Variants in PEX7 observed in about 807,000 individuals in gnomAD.
PEX7 encodes peroxisomal biogenesis factor 7.
PEX7 carries 34 observed loss-of-function variants against 47.5 expected under a neutral mutation model. That is an observed-to-expected ratio of 0.72 (90% CI 0.54 to 0.95). The LOEUF is 0.95. PEX7 is among the 40% of genes least tolerant of loss of function. The pLI is 0.00. For synonymous variants in PEX7, 141 were observed against 148.8 expected, an observed-to-expected ratio of 0.95 and a Z score of 0.38; for missense variants, 394 against 400.3, an observed-to-expected ratio of 0.98 and a Z score of 0.13.
intron 9 of PEX7, among the ~76,000 whole-genome samples, chr6:136,899,304 G>A (rs929984756): frequency 8.6e-5 from 13 of 151,372 alleles, no homozygotes; most frequent in Non-Finnish European, 1.6e-4. Flanking sequence ...GTGCAGTGGC[G>A]CAATCTTGGC....
At position 136,822,720 on chromosome 6, in the gene PEX7, G is replaced by T; in HGVS notation, c.55G>T (p.Gly19Cys). 3 of 1,514,946 alleles carry T rather than the reference G, an allele frequency of 2.0e-6. No individual in the cohort carries two copies. The highest frequency in any genetic ancestry group is 2.6e-6 in the Non-Finnish European group (3 of 1,138,382). The allele number at this position is 1,514,946 out of a possible 1,614,324, so 93.8% of individuals were successfully genotyped here. The change falls in exon 1 of 10, where the codon GGC (glycine) becomes TGC (cysteine). Residue 19 changes from glycine to cysteine, a missense_variant. Physicochemically the swap from Gly to Cys is radical, Grantham distance 159. Coordinates refer to ENST00000318471, the MANE Select transcript of PEX7 (RefSeq NM_000288.4). The stretch of plus-strand genomic sequence containing the variant: ...GATGCTGCGGACGCCGGGACGCCAC[G>T]GCTACGCCGCCGAGTTCTCCCCGTA... ...ARMLRTPGRHGYAAEFSPYLP... is the reference protein window; with the variant it reads ...ARMLRTPGRHCYAAEFSPYLP...
intron 3 of PEX7, chr6:136,830,032 A>G (rs1032912558): frequency 1.4e-6 from 1 of 716,624 alleles, no homozygotes. Flanking sequence ...TGTGTTGTGA[A>G]ATAGAAGAGC....
At chr6:136,855,660 C>A in intron 5 of PEX7, 1 of 299,218 alleles carries the variant, frequency 3.3e-6, no homozygotes, top group South Asian at 3.1e-5. Flanking sequence ...TCTAAATTTG[C>A]CTTGATTTGG....
intron 9 of PEX7, among the ~76,000 whole-genome samples, chr6:136,912,316 A>C (rs970618024): frequency 2.6e-5 from 4 of 151,516 alleles, no homozygotes; most frequent in Non-Finnish European, 5.9e-5. Flanking sequence ...TGTATTGAGA[A>C]TATATTTTCC....
At chr6:136,872,058 G>T (rs564742843) in intron 7 of PEX7, 140 bp from the exon 8 acceptor site, 149 of 708,850 alleles carry the variant, frequency 2.1e-4, no homozygotes, top group Admixed American at 1.4e-3. Context: ...TAGCATATAT[G>T]CTTTGAAAAA....
chr6:136,860,795 G>T (rs1192542692), intron 5 of PEX7, among the ~76,000 whole-genome samples: 1 of 151,948 alleles, frequency 6.6e-6, no homozygotes, highest in Non-Finnish European at 1.5e-5. Context: ...ATACAATTTG[G>T]TGAATTCTCA....
intron 6 of PEX7, among the ~76,000 whole-genome samples, chr6:136,868,790 G>A (rs1775120043): frequency 6.6e-6 from 1 of 151,954 alleles, no homozygotes; most frequent in African/African-American, 2.4e-5. Flanking sequence ...GGGGTGGACT[G>A]AGTGTGGACC....
rs1321528623 is a variant in PEX7 at position 136,822,693 on chromosome 6, C to T, written c.28C>T (p.Arg10Trp). The T allele has an allele frequency of 1.8e-5, 28 of 1,519,826 alleles. No individual in the cohort carries two copies. In the Admixed American group the frequency reaches 4.8e-4, roughly 26 times the overall value. The allele number at this position is 1,519,826 out of a possible 1,614,324, so 94.1% of individuals were successfully genotyped here. Residue 10 changes from arginine (R) to tryptophan (W), a missense_variant, in exon 1 of 10, where the codon CGG becomes TGG. Coordinates refer to ENST00000318471, the MANE Select transcript of PEX7 (RefSeq NM_000288.4). MSAVCGGAA[R>W]MLRTPGRHGY... ...GAGTGCGGTGTGCGGTGGAGCGGCG[C>T]GGATGCTGCGGACGCCGGGACGCCA... is the stretch of plus-strand genomic sequence containing the variant.
intron 6 of PEX7, among the ~76,000 whole-genome samples, chr6:136,868,483 A>C (rs1775114111): frequency 6.6e-6 from 1 of 152,130 alleles, no homozygotes; most frequent in South Asian, 2.1e-4. Context: ...TTCAATGCTG[A>C]TGACTATAGT....
chr6:136,899,142 G>A (rs546366990), intron 9 of PEX7, among the ~76,000 whole-genome samples: 35 of 145,358 alleles, frequency 2.4e-4, no homozygotes, highest in African/African-American at 8.5e-4. Context: ...GTGCAGTGGT[G>A]CAATCTTGGC....
intron 3 of PEX7, among the ~76,000 whole-genome samples, chr6:136,842,143 T>C (rs1402438602): frequency 6.6e-6 from 1 of 151,750 alleles, no homozygotes; most frequent in East Asian, 1.9e-4. Context: ...TGCAGGTGCC[T>C]GCCATCACAC....
intron 8 of PEX7, among the ~76,000 whole-genome samples, chr6:136,878,341 G>GT (rs1433544945): frequency 6.6e-6 from 1 of 152,130 alleles, no homozygotes; most frequent in African/African-American, 2.4e-5. Flanking sequence ...CCAATACTAT[G>GT]TTGAATAGGA....
Position 136,833,513 on chromosome 6 carries a change from T to C in PEX7, c.339+7044T>C, listed in dbSNP as rs188976814. On this transcript the variant is annotated intron_variant, in intron 3 of 9. Transcript: ENST00000318471. Reference sequence around the variant, plus strand: ...ACAACACATTTATCAACTGAAGGCATTTTTTTCTTTGCATCCTGTTTCTTT... The same window carrying C: ...ACAACACATTTATCAACTGAAGGCACTTTTTTCTTTGCATCCTGTTTCTTT... Among the ~76,000 whole-genome samples, 30 of 152,354 alleles carry C rather than the reference T, an allele frequency of 2.0e-4. No individual in the cohort carries two copies. In the Middle Eastern group the frequency reaches 0.01, roughly 52 times the overall value.
At chr6:136,888,257 T>C (rs547505498) in intron 8 of PEX7, among the ~76,000 whole-genome samples, 8 of 152,236 alleles carry the variant, frequency 5.3e-5, no homozygotes, top group South Asian at 4.1e-4. Flanking sequence ...AAATGATCAT[T>C]TTACCTCATC....
chr6:136,877,073 A>G (rs1706294706), intron 8 of PEX7, among the ~76,000 whole-genome samples: 1 of 152,000 alleles, frequency 6.6e-6, no homozygotes, highest in Admixed American at 6.6e-5. Flanking sequence ...TTTGATTTGC[A>G]TTTCTCTAAT....
intron 8 of PEX7, among the ~76,000 whole-genome samples, chr6:136,873,698 T>TATG (rs1440547376): frequency 1.3e-5 from 2 of 152,218 alleles, no homozygotes; most frequent in Non-Finnish European, 2.9e-5. Flanking sequence ...TGATTCCTGA[T>TATG]ATGAGTACAA....
chr6:136,862,558 T>A (rs1445972569), intron 5 of PEX7, among the ~76,000 whole-genome samples: 1 of 152,148 alleles, frequency 6.6e-6, no homozygotes, highest in Non-Finnish European at 1.5e-5. Flanking sequence ...AAATTTTTTG[T>A]AGAGCTGGAA....
intron 8 of PEX7, among the ~76,000 whole-genome samples, chr6:136,892,760 G>A (rs1775579049): frequency 6.6e-6 from 1 of 152,182 alleles, no homozygotes; most frequent in African/African-American, 2.4e-5. Context: ...AATATTATGA[G>A]TACTATGAAT....
intron 6 of PEX7, among the ~76,000 whole-genome samples, chr6:136,868,700 AGTTTTTGC>A (rs1775117812): frequency 6.8e-6 from 1 of 148,052 alleles, no homozygotes; most frequent in Admixed American, 6.8e-5. Flanking sequence ...GAGTAGTTGC[AGTTTTTGC>A]CATTACTTTC....
Sources: gnomAD v4.1 joint callset for allele counts (sites outside exome capture counted in the v4.1 genomes callset) on GRCh38, gnomAD v4.1.1 for gene constraint, MANE v1.5 for transcripts, NCBI Gene and HGNC (gene_info 2026-07-23, HGNC 2026-07-21) for gene names.